Variants in EMP2 observed in about 807,000 individuals in gnomAD.
EMP2 encodes epithelial membrane protein 2.
In EMP2, 19 loss-of-function variants were observed where a neutral mutation model predicts 13.7. The observed-to-expected ratio is 1.38, with a 90% CI of 0.97 to 2.03. The LOEUF is 2.03. EMP2 is among the 30% of genes most tolerant of loss of function. The pLI is 0.00. For missense variants in EMP2, 253 were observed against 220.7 expected (o/e 1.15, Z -0.93); for synonymous variants, 97 against 84.7 (o/e 1.15, Z -0.80).
At chr16:10,576,817 G>A (rs970825744) in intron 1 of EMP2, 1 of 152,228 alleles carries the variant, frequency 6.6e-6, no homozygotes, top group Admixed American at 6.5e-5. Context: ...ACGGGAAGGA[G>A]GGAGGGACTC....
At position 10,577,873 on chromosome 16, in the gene EMP2, C is replaced by T. The variant is rs571524518; in HGVS notation, c.-61+2676G>A. On this transcript the variant is annotated intron_variant, in intron 1 of 4. Transcript: ENST00000359543. ...TGGCTGGAGAGCCCTGCCCTGTCCC[C>T]ACCTTAGCCCCTGTAGCCCGCGTCA... Among the ~76,000 whole-genome samples the T allele has an allele frequency of 8.5e-5, 13 of 152,200 alleles. No individual in the cohort carries two copies. The South Asian group carries it at 1.7e-3, about 20-fold the overall frequency.
At chr16:10,561,788 T>C (rs917216060) in intron 1 of EMP2, among the ~76,000 whole-genome samples, 2 of 152,146 alleles carry the variant, frequency 1.3e-5, no homozygotes. Context: ...TAGATGGTGC[T>C]CAGTGAATAT....
chr16:10,558,039 T>TG (rs1472171702), intron 1 of EMP2, among the ~76,000 whole-genome samples: 2 of 151,512 alleles, frequency 1.3e-5, no homozygotes, highest in African/African-American at 4.9e-5. Flanking sequence ...AAGTTTTTTT[T>TG]TTTTTTTTTA....
At chr16:10,560,038 C>T (rs1025366092) in intron 1 of EMP2, among the ~76,000 whole-genome samples, 2 of 152,190 alleles carry the variant, frequency 1.3e-5, no homozygotes, top group Admixed American at 1.3e-4. Flanking sequence ...CAATGTCACA[C>T]AGCTAGTAAA....
intron 1 of EMP2, among the ~76,000 whole-genome samples, chr16:10,559,953 G>C (rs914278688): frequency 6.6e-6 from 1 of 152,182 alleles, no homozygotes; most frequent in Non-Finnish European, 1.5e-5. Context: ...GGGATTACAG[G>C]CGTGAGCCAC....
At chr16:10,548,485 G>T (rs910278716) in intron 1 of EMP2, among the ~76,000 whole-genome samples, 1 of 152,122 alleles carries the variant, frequency 6.6e-6, no homozygotes, top group African/African-American at 2.4e-5. Context: ...TTAAGCCCAG[G>T]AGTTTGAGAC....
chr16:10,565,577 C>G (rs766809970), intron 1 of EMP2, among the ~76,000 whole-genome samples: 1 of 152,156 alleles, frequency 6.6e-6, no homozygotes, highest in Admixed American at 6.5e-5. Context: ...AATATATATG[C>G]ACCCCTTTGG....
intron 1 of EMP2, among the ~76,000 whole-genome samples, chr16:10,547,946 ATTGC>A (rs1019321282): frequency 6.6e-6 from 1 of 152,136 alleles, no homozygotes; most frequent in African/African-American, 2.4e-5. Context: ...AGGCAGGAAG[ATTGC>A]TTGAGACTGG....
intron 1 of EMP2, among the ~76,000 whole-genome samples, chr16:10,561,309 A>T (rs1216037580): frequency 6.6e-6 from 1 of 152,186 alleles, no homozygotes; most frequent in Non-Finnish European, 1.5e-5. Context: ...AGGTAGTTGG[A>T]AATATAGTCA....
chr16:10,533,930 A>G (rs2050628045), intron 4 of EMP2, among the ~76,000 whole-genome samples: 1 of 152,064 alleles, frequency 6.6e-6, no homozygotes, highest in African/African-American at 2.4e-5. Context: ...CCTGGCCAAC[A>G]TGGTGAAACC....
In EMP2 at chr16:10,533,012, C is replaced by G. The variant is rs200685237; in HGVS notation, c.397G>C (p.Val133Leu). 6.2e-7 allele frequency: 1 copy of G among 1,611,942 alleles called. No individual in the cohort carries two copies. The highest frequency in any genetic ancestry group is 1.1e-5 in the South Asian group (1 of 90,584). ...IHDKNAKFYP[V>L]TREGSYGYSY... ...TAGCCGTAGCTGCCTTCTCTGGTCA[C>G]GGGATAGAATTTCGCGTTTTTGTCG... is the stretch of plus-strand genomic sequence containing the variant. The change falls in exon 5 of 5, where the codon GTG becomes CTG. Residue 133 changes from valine to leucine, a missense_variant. Physicochemically the swap from Val to Leu is conservative, Grantham distance 32. Transcript: ENST00000359543.
Position 10,547,630 on chromosome 16 carries a change from G to C in EMP2, c.-13C>G, listed in dbSNP as rs773608343. On this transcript the variant is annotated 5_prime_UTR_variant, in exon 2 of 5. Transcript: ENST00000359543. Reference sequence around the variant, plus strand: ...GAAGCACCAACATTTTCACAGGGCAGGGCGAGTCGAGGCGAGGGGTCACGT... The same window carrying C: ...GAAGCACCAACATTTTCACAGGGCACGGCGAGTCGAGGCGAGGGGTCACGT... 2 of 1,613,994 alleles carry C rather than the reference G, an allele frequency of 1.2e-6. No homozygotes were observed. Among genetic ancestry groups the C allele is most frequent in the African/African-American group, 1.3e-5 (1 of 74,938 alleles).
chr16:10,547,591 G>C lies in EMP2; in HGVS notation c.27C>G (p.Ile9Met). 6.2e-7 allele frequency: 1 copy of C among 1,614,186 alleles called. No individual in the cohort carries two copies. Among genetic ancestry groups the C allele is most frequent in the South Asian group, 1.1e-5 (1 of 91,080 alleles). Reference protein sequence around the residue: MLVLLAFIIAFHITSAALL... With the variant: MLVLLAFIMAFHITSAALL... The stretch of plus-strand genomic sequence containing the variant: ...AGGCTGCAGAGGTGATGTGGAAGGC[G>C]ATGATGAAAGCAAGAAGCACCAACA... Residue 9 changes from isoleucine (I) to methionine (M), a missense_variant, in exon 2 of 5, where the codon ATC becomes ATG. By Grantham distance (10) the Ile-to-Met change is conservative (BLOSUM62 1). Coordinates refer to ENST00000359543, the MANE Select transcript of EMP2 (RefSeq NM_001424.6).
At chr16:10,535,444 A>C (rs1049454058) in intron 4 of EMP2, among the ~76,000 whole-genome samples, 5 of 152,160 alleles carry the variant, frequency 3.3e-5, no homozygotes, top group Non-Finnish European at 7.4e-5. Context: ...ACAGAAAATA[A>C]ACTTCAGAAG....
chr16:10,553,932 CAATTT>C (rs1203003521), intron 1 of EMP2, among the ~76,000 whole-genome samples: 9 of 152,180 alleles, frequency 5.9e-5, no homozygotes, highest in Non-Finnish European at 1.2e-4. Flanking sequence ...GTGATTTAAA[CAATTT>C]AACTTACTGC....
chr16:10,531,473 G>A lies in EMP2; in HGVS notation c.*1432C>T, dbSNP rs2050601930. The A allele has an allele frequency of 6.6e-6, 1 of 152,060 alleles. No individual in the cohort carries two copies. The highest frequency in any genetic ancestry group is 2.4e-5 in the African/African-American group (1 of 41,338). The allele number at this position is 152,060 out of a possible 1,614,324, so 9.4% of individuals were successfully genotyped here. ...CAGCCACCTGATAGCTGGGATTACA[G>A]GCATGCACCACCACGCCCAGCTCAT... is the stretch of plus-strand genomic sequence containing the variant. On this transcript the variant is annotated 3_prime_UTR_variant, in exon 5 of 5. Coordinates refer to ENST00000359543, the MANE Select transcript of EMP2 (RefSeq NM_001424.6).
intron 1 of EMP2, among the ~76,000 whole-genome samples, chr16:10,577,575 T>A (rs2050992277): frequency 6.6e-6 from 1 of 151,984 alleles, no homozygotes; most frequent in Non-Finnish European, 1.5e-5. Flanking sequence ...CAATCCCCAT[T>A]CCTTCCCTGC....
chr16:10,541,192 C>T (rs1055879331), intron 3 of EMP2, among the ~76,000 whole-genome samples: 1 of 152,098 alleles, frequency 6.6e-6, no homozygotes, highest in Non-Finnish European at 1.5e-5. Context: ...CACTTGAAGC[C>T]AGGCGTGAAA....
chr16:10,566,762 C>T (rs539306872), intron 1 of EMP2, among the ~76,000 whole-genome samples: 3 of 152,262 alleles, frequency 2.0e-5, no homozygotes, highest in East Asian at 1.9e-4. Context: ...TCAGTGTGTT[C>T]GCTGAGTACA....
Sources: allele counts gnomAD v4.1 joint callset (sites outside exome capture counted in the v4.1 genomes callset), GRCh38; gene constraint gnomAD v4.1.1; transcripts MANE v1.5; gene names NCBI Gene and HGNC (gene_info 2026-07-23, HGNC 2026-07-21).